Variants in LNP1 observed in about 807,000 individuals in gnomAD.
The protein encoded by LNP1 is leukemia NUP98 fusion partner 1.
Under a neutral mutation model 14.5 loss-of-function variants are expected in LNP1, and 12 were observed. The ratio of observed to expected loss-of-function variants is 0.83; its 90% confidence interval spans 0.53 to 1.34. LNP1 has a LOEUF of 1.34. LNP1 is among the 40% of genes most tolerant of loss of function. The pLI, the probability that LNP1 is intolerant of heterozygous loss-of-function variation, is 0.00. For synonymous variants in LNP1, 75 were observed against 71.4 expected (o/e 1.05, Z -0.26); for missense variants, 198 against 210.9 (o/e 0.94, Z 0.38).
At position 100,422,057 on chromosome 3, in the gene LNP1, T is replaced by C. The variant is rs114088346; in HGVS notation, c.-33-7640T>C. On this transcript the variant is annotated intron_variant, in intron 1 of 3. Coordinates refer to ENST00000383693, the MANE Select transcript of LNP1 (RefSeq NM_001085451.2). ...CAGTTCTTGTTTGGATCACTTCTTA[T>C]GGAGAGGCTTGTAGATTCAACAGAA... Among the ~76,000 whole-genome samples, 611 of 152,300 alleles carry C rather than the reference T, an allele frequency of 4.0e-3. 3 individuals are homozygous for C. Among genetic ancestry groups the C allele is most frequent in the South Asian group, 7.9e-3 (38 of 4,828 alleles).
chr3:100,453,303 C>T (rs1367163815), intron 3 of LNP1, among the ~76,000 whole-genome samples: 1 of 151,882 alleles, frequency 6.6e-6, no homozygotes, highest in Non-Finnish European at 1.5e-5. Flanking sequence ...TGTATCTAAA[C>T]CTTATTATCA....
At chr3:100,442,843 T>A (rs906674249) in intron 2 of LNP1, among the ~76,000 whole-genome samples, 4 of 152,190 alleles carry the variant, frequency 2.6e-5, no homozygotes, top group African/African-American at 9.6e-5. Context: ...TTTCATCTGA[T>A]CTCTCACAGA....
At chr3:100,427,302 G>A (rs1447789878) in intron 1 of LNP1, among the ~76,000 whole-genome samples, 1 of 152,106 alleles carries the variant, frequency 6.6e-6, no homozygotes, top group Non-Finnish European at 1.5e-5. Context: ...ATCTAGAGGA[G>A]AGAACAAAAC....
chr3:100,408,182 A>C (rs1365765982), intron 1 of LNP1, among the ~76,000 whole-genome samples: 4 of 152,202 alleles, frequency 2.6e-5, no homozygotes, highest in South Asian at 2.1e-4. Flanking sequence ...GTGTGCATTC[A>C]AGAAGCAGTT....
chr3:100,421,966 C>T (rs899035063), intron 1 of LNP1, among the ~76,000 whole-genome samples: 2 of 152,038 alleles, frequency 1.3e-5, no homozygotes, highest in Non-Finnish European at 2.9e-5. Context: ...ATGATCCTCT[C>T]CTTTATTGTA....
At chr3:100,421,731 AT>A (rs546774018) in intron 1 of LNP1, among the ~76,000 whole-genome samples, 67 of 152,148 alleles carry the variant, frequency 4.4e-4, no homozygotes, top group African/African-American at 1.4e-3. Context: ...AAGGATGCAA[AT>A]TTTTTTTAAA....
At chr3:100,430,802 C>G (rs2148903611) in intron 2 of LNP1, among the ~76,000 whole-genome samples, 1 of 152,322 alleles carries the variant, frequency 6.6e-6, no homozygotes, top group South Asian at 2.1e-4. Context: ...AAGGCAACCT[C>G]TATTACTCCT....
intron 1 of LNP1, among the ~76,000 whole-genome samples, chr3:100,405,855 T>C (rs1706960220): frequency 6.6e-6 from 1 of 152,210 alleles, no homozygotes; most frequent in African/African-American, 2.4e-5. Context: ...TAACTGTAAT[T>C]TCACTCTTGA....
chr3:100,451,537 C>G (rs1707437600), intron 2 of LNP1, 182 bp from the exon 3 acceptor site: 1 of 578,626 alleles, frequency 1.7e-6, no homozygotes, highest in Non-Finnish European at 3.0e-6. Flanking sequence ...TAAGCTGTTC[C>G]CAGCTTGACT....
At chr3:100,408,749 T>A (rs1405703952) in intron 1 of LNP1, among the ~76,000 whole-genome samples, 1 of 152,142 alleles carries the variant, frequency 6.6e-6, no homozygotes, top group African/African-American at 2.4e-5. Context: ...AGGCAAAGTC[T>A]TACCTTTACT....
intron 2 of LNP1, among the ~76,000 whole-genome samples, chr3:100,445,406 G>A (rs184395523): frequency 6.6e-6 from 1 of 152,260 alleles, no homozygotes; most frequent in African/African-American, 2.4e-5. Context: ...TGGGTCTCAG[G>A]AATGCAGTTT....
chr3:100,439,063 C>T (rs566999024), intron 2 of LNP1, among the ~76,000 whole-genome samples: 19 of 152,128 alleles, frequency 1.2e-4, no homozygotes, highest in African/African-American at 4.3e-4. Flanking sequence ...TATGCCAAAG[C>T]GAAGAGACAA....
chr3:100,445,793 C>T (rs9820789), intron 2 of LNP1, among the ~76,000 whole-genome samples: 143,002 of 152,214 alleles, frequency 0.94, 67,796 homozygotes, highest in East Asian at 1. Context: ...TGAAGATTCC[C>T]ATATGCCATT....
chr3:100,409,969 A>C (rs1160921177), intron 1 of LNP1, among the ~76,000 whole-genome samples: 1 of 151,472 alleles, frequency 6.6e-6, no homozygotes, highest in Non-Finnish European at 1.5e-5. Context: ...CTATCTATCT[A>C]TCTATCTATC....
chr3:100,442,980 A>G (rs556401529), intron 2 of LNP1, among the ~76,000 whole-genome samples: 214 of 152,302 alleles, frequency 1.4e-3, no homozygotes, highest in Middle Eastern at 3.4e-3. Context: ...AACAACAAAC[A>G]AAAGAACAAT....
intron 2 of LNP1, among the ~76,000 whole-genome samples, chr3:100,430,429 T>C (rs1210202126): frequency 6.6e-6 from 1 of 152,198 alleles, no homozygotes; most frequent in Non-Finnish European, 1.5e-5. Flanking sequence ...TTGTTACAGC[T>C]AGGCAGAGCA....
At chr3:100,406,628 G>A (rs896063355) in intron 1 of LNP1, among the ~76,000 whole-genome samples, 9 of 152,138 alleles carry the variant, frequency 5.9e-5, no homozygotes, top group African/African-American at 1.2e-4. Context: ...TCCGCCTCCC[G>A]GGTTCAAGCG....
chr3:100,435,337 G>C (rs1707283964), intron 2 of LNP1, among the ~76,000 whole-genome samples: 1 of 152,152 alleles, frequency 6.6e-6, no homozygotes, highest in Non-Finnish European at 1.5e-5. Flanking sequence ...TTTACTAGCA[G>C]CATAACTCTG....
chr3:100,420,211 T>C (rs1707130009), intron 1 of LNP1, among the ~76,000 whole-genome samples: 1 of 152,236 alleles, frequency 6.6e-6, no homozygotes, highest in Non-Finnish European at 1.5e-5. Flanking sequence ...CAGGGCGTTA[T>C]GGCCATAGAC....
Sources: gnomAD v4.1 joint callset for allele counts (sites outside exome capture counted in the v4.1 genomes callset) on GRCh38, gnomAD v4.1.1 for gene constraint, MANE v1.5 for transcripts, NCBI Gene and HGNC (gene_info 2026-07-23, HGNC 2026-07-21) for gene names.